Variants in PGPEP1L observed in about 807,000 individuals in gnomAD.
PGPEP1L encodes pyroglutamyl-peptidase 1-like protein.
Under a neutral mutation model 6.0 loss-of-function variants are expected in PGPEP1L, and 7 were observed. The observed-to-expected ratio is 1.17, with a 90% CI of 0.66 to 2.19. The LOEUF is 2.19. PGPEP1L is among the 30% of genes most tolerant of loss of function. The probability of loss-of-function intolerance (pLI) is 0.00; values close to 1 mark genes in which losing one functional copy is unlikely to be tolerated. For synonymous variants in PGPEP1L, 103 were observed against 83.9 expected, an observed-to-expected ratio of 1.23 and a Z score of -1.24; for missense variants, 209 against 192.5, an observed-to-expected ratio of 1.09 and a Z score of -0.51.
intron 2 of PGPEP1L, among the ~76,000 whole-genome samples, chr15:98,974,167 AC>A (rs1163764210): frequency 6.6e-6 from 1 of 152,068 alleles, no homozygotes; most frequent in Non-Finnish European, 1.5e-5. Flanking sequence ...GATCACTTGA[AC>A]CCAGGAGTTC....
intron 2 of PGPEP1L, among the ~76,000 whole-genome samples, chr15:98,981,640 TA>T (rs1304430431): frequency 6.6e-6 from 1 of 152,062 alleles, no homozygotes; most frequent in Non-Finnish European, 1.5e-5. Flanking sequence ...AGAGAGGCAT[TA>T]GGGGAAACTG....
intron 2 of PGPEP1L, among the ~76,000 whole-genome samples, chr15:98,993,789 T>A (rs1464557289): frequency 3.3e-5 from 5 of 152,104 alleles, no homozygotes; most frequent in African/African-American, 1.2e-4. Flanking sequence ...AACCTGCACG[T>A]TCTGCACATG....
At chr15:98,981,456 C>T (rs1340470776) in intron 2 of PGPEP1L, among the ~76,000 whole-genome samples, 4 of 149,204 alleles carry the variant, frequency 2.7e-5, no homozygotes, top group Admixed American at 2.0e-4. Context: ...CACCACTGCA[C>T]TCCAGCCTGG....
intron 1 of PGPEP1L, among the ~76,000 whole-genome samples, chr15:99,006,192 G>A (rs2018057578): frequency 6.6e-6 from 1 of 152,220 alleles, no homozygotes; most frequent in Non-Finnish European, 1.5e-5. Context: ...TCGCAGCACC[G>A]GATCCTGTAT....
chr15:98,992,211 G>A (rs1472965906), intron 2 of PGPEP1L, among the ~76,000 whole-genome samples: 2 of 152,154 alleles, frequency 1.3e-5, no homozygotes, highest in Non-Finnish European at 2.9e-5. Context: ...CATCGTCTCA[G>A]CCCAAAATCT....
At chr15:98,995,685 G>T (rs140881594) in intron 2 of PGPEP1L, among the ~76,000 whole-genome samples, 20 of 152,320 alleles carry the variant, frequency 1.3e-4, no homozygotes, top group Middle Eastern at 3.4e-3. Flanking sequence ...GACAGAGCTA[G>T]ACTCTGTCTC....
chr15:98,969,355 G>A (rs2017454641), intron 4 of PGPEP1L, 70 bp downstream of exon 4: 8 of 1,586,004 alleles, frequency 5.0e-6, no homozygotes, highest in Non-Finnish European at 6.0e-6. Flanking sequence ...GCTTCTTGGA[G>A]GTCGGGGGGA....
At chr15:98,987,182 AAAAAAAAAAAAAAG>A (rs2017759078) in intron 2 of PGPEP1L, among the ~76,000 whole-genome samples, 1 of 150,086 alleles carries the variant, frequency 6.7e-6, no homozygotes, top group African/African-American at 2.5e-5. Flanking sequence ...AAAAAAAAAA[AAAAAAAAAAAAAAG>A]AGAGCCAATT....
chr15:99,001,872 C>CA (rs1567244436), intron 2 of PGPEP1L, among the ~76,000 whole-genome samples: 1 of 152,142 alleles, frequency 6.6e-6, no homozygotes, highest in Non-Finnish European at 1.5e-5. Flanking sequence ...TGCCCATCAC[C>CA]ATGCCCAGCT....
At chr15:98,996,692 T>C (rs532729174) in intron 2 of PGPEP1L, among the ~76,000 whole-genome samples, 2 of 152,242 alleles carry the variant, frequency 1.3e-5, no homozygotes, top group South Asian at 4.1e-4. Flanking sequence ...TATCCATGTG[T>C]GCACGCGTGG....
chr15:98,978,985 C>G (rs572977648), intron 2 of PGPEP1L, among the ~76,000 whole-genome samples: 1 of 151,872 alleles, frequency 6.6e-6, no homozygotes, highest in African/African-American at 2.4e-5. Context: ...ACCTTGGCCT[C>G]CCAAACTGCC....
chr15:98,993,838 A>G (rs2017851692), intron 2 of PGPEP1L, among the ~76,000 whole-genome samples: 1 of 151,680 alleles, frequency 6.6e-6, no homozygotes, highest in African/African-American at 2.4e-5. Context: ...AATTACATGA[A>G]AAAAAAAGAG....
intron 2 of PGPEP1L, among the ~76,000 whole-genome samples, chr15:98,989,718 G>C (rs2017793833): frequency 6.6e-6 from 1 of 152,124 alleles, no homozygotes; most frequent in Non-Finnish European, 1.5e-5. Flanking sequence ...AAAATGTTAA[G>C]GGCACCCAGA....
intron 2 of PGPEP1L, among the ~76,000 whole-genome samples, chr15:98,985,627 G>A (rs2017736807): frequency 6.6e-6 from 1 of 152,216 alleles, no homozygotes; most frequent in Non-Finnish European, 1.5e-5. Context: ...CTGACCCCAG[G>A]AGAAGAGCGC....
chr15:98,968,323 CAATAA>C lies in PGPEP1L; in HGVS notation c.*150_*154del, dbSNP rs2017432860. 1.4e-6 allele frequency: 1 copy of C among 714,150 alleles called. No homozygotes were observed. Among genetic ancestry groups the C allele is most frequent in the South Asian group, 1.9e-5 (1 of 53,130 alleles). The allele number at this position is 714,150 out of a possible 1,614,324, so 44.2% of individuals were successfully genotyped here. On this transcript the variant is annotated 3_prime_UTR_variant, in exon 5 of 5. Transcript: ENST00000535714. ...CCTTTCAGAGTGTTCTTTCTCCTGA[CAATAA>C]AATAACCCTTTGTGATTTTGTTGGG...
At chr15:98,978,564 C>CA (rs1186364170) in intron 2 of PGPEP1L, among the ~76,000 whole-genome samples, 10 of 151,160 alleles carry the variant, frequency 6.6e-5, no homozygotes, top group South Asian at 4.2e-4. Context: ...GTTTTTTCCC[C>CA]AAAAAAAACT....
intron 2 of PGPEP1L, among the ~76,000 whole-genome samples, chr15:98,992,396 T>G (rs891849060): frequency 4.6e-5 from 7 of 152,126 alleles, no homozygotes; most frequent in Admixed American, 1.3e-4. Context: ...TTACAAGGGA[T>G]GTGAAGGACC....
At chr15:99,004,534 A>G (rs561991136) in intron 2 of PGPEP1L, among the ~76,000 whole-genome samples, 100 of 152,284 alleles carry the variant, frequency 6.6e-4, no homozygotes, top group Middle Eastern at 3.4e-3. Context: ...CCTGGCCAAC[A>G]TGGTGAAACC....
At chr15:98,995,831 T>A (rs2017880119) in intron 2 of PGPEP1L, among the ~76,000 whole-genome samples, 1 of 152,128 alleles carries the variant, frequency 6.6e-6, no homozygotes, top group African/African-American at 2.4e-5. Context: ...CCCACCACCT[T>A]CCTCCTCTTC....
Sources: gnomAD v4.1 joint callset for allele counts (sites outside exome capture counted in the v4.1 genomes callset) on GRCh38, gnomAD v4.1.1 for gene constraint, MANE v1.5 for transcripts, NCBI Gene and HGNC (gene_info 2026-07-23, HGNC 2026-07-21) for gene names.